Variants in ODF2 observed in about 807,000 individuals in gnomAD.
The protein encoded by ODF2 is outer dense fiber of sperm tails 2, also known as outer dense fiber protein 2.
In ODF2, 47 loss-of-function variants were observed where a neutral mutation model predicts 110.2. The ratio of observed to expected loss-of-function variants is 0.43; its 90% CI spans 0.34 to 0.54. The LOEUF (loss-of-function observed/expected upper bound fraction) is 0.54. ODF2 is among the 20% of genes least tolerant of loss of function. The pLI, the probability that ODF2 is intolerant of heterozygous loss-of-function variation, is 0.03. For missense variants in ODF2, 812 were observed against 1,054.5 expected (o/e 0.77, Z 3.19); for synonymous variants, 352 against 397.7 (o/e 0.89, Z 1.37).
intron 8 of ODF2, 123 bp downstream of exon 8, chr9:128,473,864 A>C: frequency 1.2e-6 from 1 of 866,804 alleles, no homozygotes; most frequent in South Asian, 1.7e-5. Context: ...AGAGAGATGT[A>C]ATGAAATTGT....
chr9:128,494,730 G>A lies in ODF2; in HGVS notation c.1911+62G>A, dbSNP rs370807696. 8.1e-5 allele frequency: 130 copies of A among 1,613,864 alleles called. No individual in the cohort carries two copies. The highest frequency in any genetic ancestry group is 1.2e-4 in the Admixed American group (7 of 60,006). On this transcript the variant is annotated intron_variant, in intron 17 of 20. Coordinates refer to ENST00000604420, the Ensembl canonical transcript of ODF2. The surrounding 1 kb of genome is among the most constrained non-coding windows in gnomAD (Gnocchi z 4.6). ...CGAGCAGGGGCCCGCATACCAAGAT[G>A]AGCTGCACGCCCCCCAAGGGAGGAC...
At chr9:128,459,499 C>G in intron 2 of ODF2, 68 bp from the exon 2 acceptor site, 1 of 1,274,032 alleles carries the variant, frequency 7.8e-7, no homozygotes, top group East Asian at 2.4e-5. Flanking sequence ...TGTGTAATTT[C>G]ATGAGATCTG....
exon 5 of ODF2, chr9:128,469,344 G>C (rs150165313): frequency 1.7e-5 from 27 of 1,613,984 alleles, no homozygotes; most frequent in Non-Finnish European, 2.2e-5. Flanking sequence ...TTGGTTGTCT[G>C]AAGTCTGAGG....
intron 1 of ODF2, 42 bp downstream of exon 1, chr9:128,456,297 C>G: frequency 6.6e-7 from 1 of 1,511,036 alleles, no homozygotes; most frequent in South Asian, 1.2e-5. Flanking sequence ...CCCTCCGGGG[C>G]ACCGCGGGCG....
At position 128,457,038 on chromosome 9, in the gene ODF2, T is replaced by G. The variant is rs939648572; in HGVS notation, c.-208-160T>G. On this transcript the variant is annotated intron_variant, in intron 1 of 20. Coordinates refer to ENST00000604420, the Ensembl canonical transcript of ODF2. ...GGTTCTCACCCGCCCTCTCCGCACG[T>G]CCGCCGGCGCCTCAGGTTTCCCCCG... The G allele has an allele frequency of 7.8e-6, 10 of 1,280,958 alleles. No homozygotes were observed. In the South Asian group the frequency reaches 1.3e-4, roughly 17 times the overall value. 79.3% of individuals were successfully genotyped at this position (1,280,958 alleles called of 1,614,324 possible).
chr9:128,464,979 G>A (rs755885666), intron 4 of ODF2, among the ~76,000 whole-genome samples: 2 of 152,168 alleles, frequency 1.3e-5, no homozygotes, highest in Non-Finnish European at 2.9e-5. Flanking sequence ...ACAGGCGTGA[G>A]CCACTGTGCC....
intron 11 of ODF2, 77 bp from the exon 12 acceptor site, chr9:128,484,624 C>T (rs1438351466): frequency 2.0e-5 from 30 of 1,468,206 alleles, no homozygotes; most frequent in Non-Finnish European, 2.8e-5. Flanking sequence ...TCCCTTTCTC[C>T]TTCACCCTCT....
Position 128,495,858 on chromosome 9 carries a change from G to A in ODF2, c.1912-183G>A, listed in dbSNP as rs1403283495. Among the ~76,000 whole-genome samples the A allele has an allele frequency of 2.0e-5, 3 of 152,238 alleles. No homozygotes were observed. In the East Asian group the frequency reaches 5.8e-4, roughly 29 times the overall value. ...TCTCCCAGTGTGGGGAGAGCCTTTT[G>A]TCTTTGGAGTTGGGCCTAACCTGTC... is the stretch of plus-strand genomic sequence containing the variant. On this transcript the variant is annotated intron_variant, in intron 17 of 20. Coordinates refer to ENST00000604420, the Ensembl canonical transcript of ODF2.
chr9:128,471,627 A>G (rs540417308), intron 6 of ODF2, among the ~76,000 whole-genome samples, 159 bp downstream of exon 6: 1 of 152,082 alleles, frequency 6.6e-6, no homozygotes, highest in South Asian at 2.1e-4. Flanking sequence ...ACAGTTAATT[A>G]CCTGGTTGTG....
chr9:128,499,018 G>C, exon 20 of ODF2: 1 of 1,614,104 alleles, frequency 6.2e-7, no homozygotes, highest in South Asian at 1.1e-5. Context: ...AAACCAAGGA[G>C]CACGCACTCT....
At chr9:128,496,056 G>A in exon 18 of ODF2, 1 of 1,613,890 alleles carries the variant, frequency 6.2e-7, no homozygotes, top group Non-Finnish European at 8.5e-7. Flanking sequence ...ACACCAGGGG[G>A]ACAAGCTGGA....
At chr9:128,487,695 G>A (rs1185132702) in intron 13 of ODF2, among the ~76,000 whole-genome samples, 195 bp from the exon 14 acceptor site, 1 of 152,094 alleles carries the variant, frequency 6.6e-6, no homozygotes, top group South Asian at 2.1e-4. Context: ...GCTGAGGCAG[G>A]AGAATGGCAT....
intron 13 of ODF2, among the ~76,000 whole-genome samples, chr9:128,486,333 G>A (rs1261092567): frequency 6.6e-6 from 1 of 152,208 alleles, no homozygotes; most frequent in African/African-American, 2.4e-5. Context: ...TCTGTCTAGT[G>A]GGAGAACATA....
Position 128,485,039 on chromosome 9 carries a change from A to T in ODF2, c.1290+153A>T. 1 of 806,030 alleles carries T rather than the reference A, an allele frequency of 1.2e-6. No homozygotes were observed. The allele number at this position is 806,030 out of a possible 1,614,324, so 49.9% of individuals were successfully genotyped here. ...AGATGGCTGGGGAGGAGGGAGAGGGAGTTAAGGGGATCAAATGGGTAAAAG... is the reference window on the plus strand; with the variant it reads ...AGATGGCTGGGGAGGAGGGAGAGGGTGTTAAGGGGATCAAATGGGTAAAAG... On this transcript the variant is annotated intron_variant, in intron 12 of 20. Coordinates refer to ENST00000604420, the Ensembl canonical transcript of ODF2. The surrounding 1 kb of genome is among the most constrained non-coding windows in gnomAD (Gnocchi z 5.0).
chr9:128,486,197 T>C (rs1255621592), intron 13 of ODF2, among the ~76,000 whole-genome samples: 2 of 152,130 alleles, frequency 1.3e-5, no homozygotes, highest in African/African-American at 4.8e-5. Context: ...GGATAGGTCA[T>C]GGGGGAGCTC....
chr9:128,492,604 C>G, intron 15 of ODF2, 68 bp downstream of exon 15: 1 of 1,515,474 alleles, frequency 6.6e-7, no homozygotes, highest in Non-Finnish European at 9.1e-7. Flanking sequence ...CTGGGGGCTC[C>G]CTACCAGGCC....
chr9:128,467,290 C>T (rs1392511687), intron 4 of ODF2, among the ~76,000 whole-genome samples: 2 of 151,348 alleles, frequency 1.3e-5, no homozygotes, highest in African/African-American at 4.9e-5. Flanking sequence ...CATATTGAAA[C>T]ATAGTAAATA....
At chr9:128,467,744 C>CAAAAAAAA (rs5900797) in intron 4 of ODF2, among the ~76,000 whole-genome samples, 1 of 117,888 alleles carries the variant, frequency 8.5e-6, no homozygotes, top group Admixed American at 9.7e-5. Flanking sequence ...GACCCTGTCT[C>CAAAAAAAA]AAAAAAAAAA....
chr9:128,463,272 C>CAA (rs1046405175), intron 4 of ODF2, among the ~76,000 whole-genome samples: 3 of 151,938 alleles, frequency 2.0e-5, no homozygotes, highest in Non-Finnish European at 2.9e-5. Context: ...CAAAACAAAA[C>CAA]AAAAGAGAAA....
Sources: allele counts gnomAD v4.1 joint callset (sites outside exome capture counted in the v4.1 genomes callset), GRCh38; gene constraint gnomAD v4.1.1; non-coding constraint Gnocchi (gnomAD v3.1); transcripts MANE v1.5; gene names NCBI Gene and HGNC (gene_info 2026-07-23, HGNC 2026-07-21).